SEC13: variants seen among roughly 807,000 people sequenced by gnomAD.
SEC13 encodes the protein protein SEC13 homolog.
A neutral mutation model predicts 49.2 loss-of-function variants in SEC13; 25 were observed. The ratio of observed to expected loss-of-function variants is 0.51; its 90% CI spans 0.37 to 0.71. The LOEUF is 0.71. Ranked by LOEUF, SEC13 falls within the 30% of genes least tolerant of loss-of-function variation. SEC13 has a pLI of 0.00. For missense variants in SEC13, 383 were observed against 417.6 expected, an observed-to-expected ratio of 0.92 and a Z score of 0.72; for synonymous variants, 148 against 163.9, an observed-to-expected ratio of 0.90 and a Z score of 0.74.
At chr3:10,319,737 G>A (rs952016169) in intron 1 of SEC13, among the ~76,000 whole-genome samples, 11 of 129,724 alleles carry the variant, frequency 8.5e-5, no homozygotes, top group African/African-American at 3.2e-4. Context: ...CCACCAGTCA[G>A]GGTTGATGAA....
chr3:10,301,184 C>G lies in SEC13; in HGVS notation c.*77G>C. The G allele has an allele frequency of 6.2e-7, 1 of 1,613,818 alleles. No individual in the cohort carries two copies. Among genetic ancestry groups the G allele is most frequent in the Non-Finnish European group, 8.5e-7 (1 of 1,179,768 alleles). On this transcript the variant is annotated 3_prime_UTR_variant, in exon 9 of 9. Coordinates refer to ENST00000350697, the MANE Select transcript of SEC13 (RefSeq NM_183352.3). The stretch of plus-strand genomic sequence containing the variant: ...ATCCTGTTGGAGTTGGGGGCTCTTC[C>G]CAGTTGTCTGGTTAGTTGGCCCAGG...
At chr3:10,319,419 A>G in intron 1 of SEC13, 1 of 704,122 alleles carries the variant, frequency 1.4e-6, no homozygotes, top group South Asian at 2.6e-5. Flanking sequence ...CCAAGGGCAC[A>G]GTCAATCAGA....
Position 10,304,086 on chromosome 3 carries a change from C to T in SEC13, c.795G>A (p.Val265=), listed in dbSNP as rs1483730933. 1 of 1,614,178 alleles carries T rather than the reference C, an allele frequency of 6.2e-7. No individual in the cohort carries two copies. The change falls in exon 8 of 9, where the codon GTG becomes GTA. Residue 265 remains valine, a synonymous_variant. Coordinates refer to ENST00000350697, the MANE Select transcript of SEC13 (RefSeq NM_183352.3). ...CTGTGATGGACCAGCTCACATGCCA[C>T]ACCACATCGTTGAACTTGTGCAACA... is the stretch of plus-strand genomic sequence containing the variant. ...PKLLHKFNDV[V]WHVSWSITAN... is the part of the protein sequence containing the mutation.
In SEC13 at chr3:10,310,670, T is replaced by A. The variant is rs192664940; in HGVS notation, c.450+1295A>T. On this transcript the variant is annotated intron_variant, in intron 5 of 8. Coordinates refer to ENST00000350697, the MANE Select transcript of SEC13 (RefSeq NM_183352.3). ...GTTACTTTGCAAAACAGTTTAGCAA[T>A]TCCTCAAAAAGTTAAACACAGAATT... Among the ~76,000 whole-genome samples the A allele has an allele frequency of 5.3e-5, 8 of 152,292 alleles. 1 individual carries two copies. In the South Asian group the frequency reaches 1.5e-3, roughly 28 times the overall value.
intron 8 of SEC13, among the ~76,000 whole-genome samples, chr3:10,301,769 G>A (rs1289171252): frequency 1.3e-5 from 2 of 152,154 alleles, no homozygotes; most frequent in Non-Finnish European, 2.9e-5. Flanking sequence ...AGGAAGCTCT[G>A]GGGGTGGGGC....
chr3:10,311,616 C>CT, intron 5 of SEC13: 1 of 1,089,064 alleles, frequency 9.2e-7, no homozygotes, highest in Non-Finnish European at 1.1e-6. Flanking sequence ...AGCTCACATA[C>CT]TTTTTAAAAG....
At chr3:10,315,248 C>T in intron 3 of SEC13, 73 bp downstream of exon 3, 1 of 1,112,948 alleles carries the variant, frequency 9.0e-7, no homozygotes, top group Non-Finnish European at 1.4e-6. Context: ...CCATGCTTTG[C>T]TCCCACGCTT....
At chr3:10,303,892 C>G in intron 8 of SEC13, 134 bp downstream of exon 8, 1 of 853,670 alleles carries the variant, frequency 1.2e-6, no homozygotes, top group Admixed American at 2.0e-5. Context: ...AACTAAGAGG[C>G]ACACTCAAAA....
At chr3:10,303,557 A>G (rs987297877) in intron 8 of SEC13, 1 of 225,794 alleles carries the variant, frequency 4.4e-6, no homozygotes, top group African/African-American at 2.3e-5. Flanking sequence ...CTTCCAGTGC[A>G]CCCACTGTGT....
intron 2 of SEC13, among the ~76,000 whole-genome samples, chr3:10,316,452 T>C (rs1167655955): frequency 6.6e-6 from 1 of 152,144 alleles, no homozygotes; most frequent in Non-Finnish European, 1.5e-5. Context: ...TATCAGGCCT[T>C]GGTTTCTTGG....
chr3:10,305,452 G>A (rs1357524837), intron 6 of SEC13, 107 bp downstream of exon 6: 21 of 1,383,748 alleles, frequency 1.5e-5, no homozygotes, highest in Non-Finnish European at 1.7e-5. Flanking sequence ...CTGGCAGGAG[G>A]GAGAAAGAAA....
rs1444250192 is a variant in SEC13, at chr3:10,312,004, T to C, written c.411A>G (p.Glu137=). 6.2e-6 allele frequency: 10 copies of C among 1,613,838 alleles called. No individual in the cohort carries two copies. Among genetic ancestry groups the C allele is most frequent in the Non-Finnish European group, 7.6e-6 (9 of 1,179,808 alleles). The change falls in exon 5 of 9, where the codon GAA becomes GAG. Residue 137 remains glutamate (E), a synonymous_variant. Coordinates refer to ENST00000350697, the MANE Select transcript of SEC13 (RefSeq NM_183352.3). The part of the protein sequence containing the change: ...GAISLLTYTG[E]GQWEVKKINN... Reference sequence around the variant, plus strand: ...TGATCTTCTTTACTTCCCATTGGCCTTCCCCGGTGTAAGTCAGCAGGGAGA... The same window carrying C: ...TGATCTTCTTTACTTCCCATTGGCCCTCCCCGGTGTAAGTCAGCAGGGAGA...
chr3:10,314,578 T>C (rs569464653), intron 3 of SEC13, among the ~76,000 whole-genome samples: 2 of 152,244 alleles, frequency 1.3e-5, no homozygotes, highest in South Asian at 4.1e-4. Flanking sequence ...TTTTTCCCCC[T>C]GTCCCAATTC....
In SEC13 at chr3:10,316,480, A is replaced by G. The variant is rs906895035; in HGVS notation, c.49-1044T>C. Among the ~76,000 whole-genome samples the G allele has an allele frequency of 2.6e-5, 4 of 152,004 alleles. No individual in the cohort carries two copies. The South Asian group carries it at 8.3e-4, about 32-fold the overall frequency. ...TTTCTTGGAGGGCAGGCAGTAGAGGAGTGTTTCTGAAGCACTTCTCATGCT... is the reference window on the plus strand; with the variant it reads ...TTTCTTGGAGGGCAGGCAGTAGAGGGGTGTTTCTGAAGCACTTCTCATGCT... On this transcript the variant is annotated intron_variant, in intron 2 of 8. Coordinates refer to ENST00000350697, the MANE Select transcript of SEC13 (RefSeq NM_183352.3).
At position 10,318,098 on chromosome 3, in the gene SEC13, G is replaced by A. The variant is rs1308585720; in HGVS notation, c.4-4C>T. 1.3e-6 allele frequency: 2 copies of A among 1,593,944 alleles called. No individual in the cohort carries two copies. The highest frequency in any genetic ancestry group is 1.7e-5 in the Admixed American group (1 of 59,948). The stretch of plus-strand genomic sequence containing the variant: ...CCACAGTGTTAATTACTGACACCTA[G>A]AACCAAAGATATCACTGGTAAATTA... On this transcript the variant is annotated splice_polypyrimidine_tract_variant and splice_region_variant and intron_variant, in intron 1 of 8. Transcript: ENST00000350697.
intron 6 of SEC13, 81 bp from the exon 7 acceptor site, chr3:10,305,237 G>A (rs1700798040): frequency 5.3e-6 from 8 of 1,509,220 alleles, no homozygotes; most frequent in African/African-American, 2.8e-5. Context: ...GGCTCTGCCT[G>A]GGGTGGAGAA....
intron 5 of SEC13, among the ~76,000 whole-genome samples, chr3:10,309,418 C>CATTT (rs1283801501): frequency 6.6e-6 from 1 of 152,168 alleles, no homozygotes; most frequent in Non-Finnish European, 1.5e-5. Flanking sequence ...TTTACCTCTT[C>CATTT]ATTTTTTTGC....
At chr3:10,319,822 A>G (rs1574897705) in intron 1 of SEC13, among the ~76,000 whole-genome samples, 1 of 21,320 alleles carries the variant, frequency 4.7e-5, no homozygotes, top group Non-Finnish European at 8.8e-5. Flanking sequence ...GGGGGAGGAA[A>G]GAGGGAGGGG....
chr3:10,307,426 T>C (rs1043917926), intron 5 of SEC13, among the ~76,000 whole-genome samples: 3 of 152,050 alleles, frequency 2.0e-5, no homozygotes, highest in African/African-American at 7.2e-5. Context: ...TTCACGCTGC[T>C]GATAAAGACA....
Sources: allele counts gnomAD v4.1 joint callset (sites outside exome capture counted in the v4.1 genomes callset), GRCh38; gene constraint gnomAD v4.1.1; transcripts MANE v1.5; gene names NCBI Gene and HGNC (gene_info 2026-07-23, HGNC 2026-07-21).